KIAA0825: variants seen among roughly 807,000 people sequenced by gnomAD.
KIAA0825 encodes the protein uncharacterized protein KIAA0825.
A neutral mutation model predicts 147.6 loss-of-function variants in KIAA0825; 119 were observed. The observed-to-expected ratio is 0.81, with a 90% CI of 0.69 to 0.94. The LOEUF (loss-of-function observed/expected upper bound fraction) is 0.94. KIAA0825 is among the 40% of genes least tolerant of loss of function. KIAA0825 has a pLI of 0.00. For synonymous variants in KIAA0825, 470 were observed against 518.1 expected, an observed-to-expected ratio of 0.91 and a Z score of 1.26; for missense variants, 1,381 against 1,472.7, an observed-to-expected ratio of 0.94 and a Z score of 1.02.
chr5:94,423,742 T>A lies in KIAA0825; in HGVS notation c.2498-6377A>T, dbSNP rs142136508. Among the ~76,000 whole-genome samples the A allele has an allele frequency of 5.2e-4, 79 of 152,212 alleles. 2 individuals carry two copies. The East Asian group carries it at 6.0e-3, about 12-fold the overall frequency. On this transcript the variant is annotated intron_variant, in intron 14 of 20. Coordinates refer to ENST00000682413, the MANE Select transcript of KIAA0825 (RefSeq NM_001145678.3). ...AGGAGGCTGAAAGACTCATTTTCAA[T>A]CTGGGTATTAGAGAGAAAGTATAAA... is the stretch of plus-strand genomic sequence containing the variant.
chr5:94,321,387 C>T (rs1018519187), intron 20 of KIAA0825, among the ~76,000 whole-genome samples: 1 of 151,700 alleles, frequency 6.6e-6, no homozygotes, highest in Non-Finnish European at 1.5e-5. Flanking sequence ...TACTTTGGGC[C>T]AGCTATTATT....
chr5:94,196,246 C>G (rs1771117615), intron 20 of KIAA0825, among the ~76,000 whole-genome samples: 1 of 152,144 alleles, frequency 6.6e-6, no homozygotes, highest in African/African-American at 2.4e-5. Context: ...TTTCCTGTAT[C>G]AGCTCTACTC....
intron 20 of KIAA0825, among the ~76,000 whole-genome samples, chr5:94,339,012 T>C (rs1782088850): frequency 6.6e-6 from 1 of 152,186 alleles, no homozygotes; most frequent in African/African-American, 2.4e-5. Flanking sequence ...AACCTTATAA[T>C]TTAACATATA....
intron 5 of KIAA0825, among the ~76,000 whole-genome samples, chr5:94,488,553 T>C (rs1385613716): frequency 1.3e-5 from 2 of 152,108 alleles, no homozygotes; most frequent in East Asian, 1.9e-4. Context: ...TGAGGGTTTT[T>C]TCTTTATATA....
intron 20 of KIAA0825, among the ~76,000 whole-genome samples, chr5:94,247,132 G>A (rs1003184147): frequency 2.0e-5 from 3 of 152,076 alleles, no homozygotes; most frequent in African/African-American, 2.4e-5. Flanking sequence ...TGCCATTCAC[G>A]TGCCATAGCA....
intron 15 of KIAA0825, among the ~76,000 whole-genome samples, chr5:94,406,116 G>A (rs1372686773): frequency 6.6e-6 from 1 of 151,912 alleles, no homozygotes; most frequent in African/African-American, 2.4e-5. Context: ...TAGTAGAGAT[G>A]GGGTTTCACC....
At chr5:94,533,127 CG>C (rs1385513619) in intron 3 of KIAA0825, among the ~76,000 whole-genome samples, 3 of 151,248 alleles carry the variant, frequency 2.0e-5, no homozygotes, top group Non-Finnish European at 2.9e-5. Context: ...TACAGGCGCC[CG>C]CCACCACGCC....
In KIAA0825 at chr5:94,524,011, T is replaced by C; in HGVS notation, c.219A>G (p.Glu73=). ...VQLQTTTDCF[E]WLTNYNYSTS... Reference sequence around the variant, plus strand: ...TACTGTAATTATAGTTAGTTAGCCATTCAAAGCAGTCAGTTGTTGTTTGCA... The same window carrying C: ...TACTGTAATTATAGTTAGTTAGCCACTCAAAGCAGTCAGTTGTTGTTTGCA... Residue 73 remains glutamate, a synonymous_variant, in exon 4 of 21, where the codon GAA becomes GAG. Transcript: ENST00000682413. 6.2e-7 allele frequency: 1 copy of C among 1,610,338 alleles called. No individual in the cohort carries two copies. The highest frequency in any genetic ancestry group is 1.7e-4 in the Middle Eastern group (1 of 6,046).
At chr5:94,567,373 T>C (rs1456602163) in intron 2 of KIAA0825, 1 of 152,164 alleles carries the variant, frequency 6.6e-6, no homozygotes, top group Non-Finnish European at 1.5e-5. Context: ...TACAAAAATG[T>C]TTAATACCAT....
chr5:94,275,462 TAAAG>T (rs1276590877), intron 20 of KIAA0825, among the ~76,000 whole-genome samples: 1 of 152,136 alleles, frequency 6.6e-6, no homozygotes, highest in Non-Finnish European at 1.5e-5. Context: ...AAATATATCT[TAAAG>T]AAGTAGCAAC....
At chr5:94,301,404 A>AT (rs1166953736) in intron 20 of KIAA0825, among the ~76,000 whole-genome samples, 27 of 151,288 alleles carry the variant, frequency 1.8e-4, no homozygotes, top group Non-Finnish European at 3.8e-4. Context: ...ATATATAAAA[A>AT]ATATATACTT....
chr5:94,420,217 C>T (rs1385209822), intron 14 of KIAA0825, among the ~76,000 whole-genome samples: 1 of 152,044 alleles, frequency 6.6e-6, no homozygotes, highest in Non-Finnish European at 1.5e-5. Context: ...GAATAATATA[C>T]AGCCCTGCAA....
chr5:94,432,917 C>G (rs972816000), intron 14 of KIAA0825, among the ~76,000 whole-genome samples: 3 of 152,184 alleles, frequency 2.0e-5, no homozygotes, highest in African/African-American at 7.2e-5. Context: ...CATACCCACA[C>G]ACCATACACA....
intron 20 of KIAA0825, among the ~76,000 whole-genome samples, chr5:94,173,382 CA>C (rs1768811155): frequency 1.3e-5 from 2 of 152,272 alleles, no homozygotes; most frequent in Non-Finnish European, 2.9e-5. Flanking sequence ...GATTGGGAGA[CA>C]CTCATCTGAG....
At chr5:94,492,381 T>C (rs1763835054) in intron 5 of KIAA0825, among the ~76,000 whole-genome samples, 1 of 152,218 alleles carries the variant, frequency 6.6e-6, no homozygotes, top group Non-Finnish European at 1.5e-5. Flanking sequence ...TAGATTTTAG[T>C]CTCATCTCCT....
chr5:94,421,332 G>T (rs1754155597), intron 14 of KIAA0825, among the ~76,000 whole-genome samples: 1 of 152,242 alleles, frequency 6.6e-6, no homozygotes, highest in Non-Finnish European at 1.5e-5. Context: ...CCTTCTTCCA[G>T]CCACACTGCT....
At chr5:94,613,282 C>T (rs1489251954) in intron 1 of KIAA0825, among the ~76,000 whole-genome samples, 4 of 152,074 alleles carry the variant, frequency 2.6e-5, no homozygotes, top group African/African-American at 7.2e-5. Flanking sequence ...GCAACATCCA[C>T]CACCCGGGGT....
chr5:94,604,156 T>C (rs144216320), intron 1 of KIAA0825, among the ~76,000 whole-genome samples: 1,834 of 152,294 alleles, frequency 0.012, 33 homozygotes, highest in African/African-American at 0.042. Flanking sequence ...GCACTTACTC[T>C]AAAATTGATC....
In KIAA0825 at chr5:94,153,208, G is replaced by A. The variant is rs1766730841; in HGVS notation, c.*799C>T. 6.6e-6 allele frequency: 1 copy of A among 151,676 alleles called. No homozygotes were observed. Among genetic ancestry groups the A allele is most frequent in the Non-Finnish European group, 1.5e-5 (1 of 67,938 alleles). 9.4% of individuals were successfully genotyped at this position (151,676 alleles called of 1,614,324 possible). A position where few individuals can be genotyped will look rare whatever the true frequency, so the allele number is the denominator to read the frequency against. On this transcript the variant is annotated 3_prime_UTR_variant, in exon 21 of 21. Transcript: ENST00000682413. ...TTTTGTGTGTGTGTATCAATACAATGAAAAAATTTTAAAGTAACACATTAT... is the reference window on the plus strand; with the variant it reads ...TTTTGTGTGTGTGTATCAATACAATAAAAAAATTTTAAAGTAACACATTAT...
Sources: allele counts gnomAD v4.1 joint callset (sites outside exome capture counted in the v4.1 genomes callset), GRCh38; gene constraint gnomAD v4.1.1; transcripts MANE v1.5; gene names NCBI Gene and HGNC (gene_info 2026-07-23, HGNC 2026-07-21).